Variants in ATRNL1 observed in about 807,000 individuals in gnomAD.
The protein encoded by ATRNL1 is attractin-like protein 1.
A neutral mutation model predicts 182.7 loss-of-function variants in ATRNL1; 95 were observed. The ratio of observed to expected loss-of-function variants is 0.52; its 90% CI spans 0.44 to 0.62. The LOEUF is 0.62. ATRNL1 is among the 20% of genes least tolerant of loss of function. The pLI is 0.00. For synonymous variants in ATRNL1, 576 were observed against 568.3 expected (o/e 1.01, Z -0.19); for missense variants, 1,471 against 1,679.5 (o/e 0.88, Z 2.17).
chr10:115,668,122 C>G (rs1237989116), intron 26 of ATRNL1, among the ~76,000 whole-genome samples: 1 of 152,058 alleles, frequency 6.6e-6, no homozygotes, highest in African/African-American at 2.4e-5. Context: ...TGTCTAGGGA[C>G]CTTTCTCCAT....
chr10:115,514,926 A>T (rs1850563213), intron 24 of ATRNL1, among the ~76,000 whole-genome samples: 1 of 151,466 alleles, frequency 6.6e-6, no homozygotes. Flanking sequence ...TATTTATTTT[A>T]TTCTGCTTAA....
intron 28 of ATRNL1, among the ~76,000 whole-genome samples, chr10:115,878,549 AC>A (rs1373566728): frequency 1.3e-5 from 2 of 152,314 alleles, no homozygotes; most frequent in South Asian, 2.1e-4. Context: ...AATCTGGGGT[AC>A]AAGTATATTT....
At chr10:115,561,820 G>C (rs1464808461) in intron 26 of ATRNL1, among the ~76,000 whole-genome samples, 1 of 151,882 alleles carries the variant, frequency 6.6e-6, no homozygotes, top group Non-Finnish European at 1.5e-5. Context: ...ACCACTAAAT[G>C]CTTGTGATCG....
chr10:115,750,236 G>T lies in ATRNL1; in HGVS notation c.3903+22881G>T, dbSNP rs149512127. On this transcript the variant is annotated intron_variant, in intron 27 of 28. Transcript: ENST00000355044. ...TGGGCAGGTTGTTAATAGAATGTTT[G>T]CCAACTTTAAGTAGTTTTATAATAA... 1.7e-3 allele frequency among the ~76,000 whole-genome samples: 258 copies of T among 151,854 alleles called. 2 individuals carry two copies. The highest frequency in any genetic ancestry group is 5.9e-3 in the African/African-American group (243 of 41,488).
intron 24 of ATRNL1, among the ~76,000 whole-genome samples, chr10:115,517,216 T>TTTAC (rs1390459660): frequency 6.6e-6 from 1 of 151,986 alleles, no homozygotes; most frequent in South Asian, 2.1e-4. Flanking sequence ...AGATTGTGTT[T>TTTAC]TTACTTACTT....
intron 28 of ATRNL1, among the ~76,000 whole-genome samples, chr10:115,877,224 C>G (rs1373501666): frequency 3.3e-5 from 5 of 151,528 alleles, no homozygotes; most frequent in Non-Finnish European, 7.3e-5. Context: ...GAAAGGCAGT[C>G]ATTTTATTTG....
At chr10:115,340,195 G>C (rs1178693445) in intron 19 of ATRNL1, among the ~76,000 whole-genome samples, 1 of 152,194 alleles carries the variant, frequency 6.6e-6, no homozygotes, top group Non-Finnish European at 1.5e-5. Context: ...CCAGGCTGGA[G>C]TGCAGTGGCA....
chr10:115,851,812 A>G (rs1951063567), intron 28 of ATRNL1, among the ~76,000 whole-genome samples: 1 of 152,080 alleles, frequency 6.6e-6, no homozygotes, highest in African/African-American at 2.4e-5. Context: ...GTTTATGCAT[A>G]TGTTCACTGT....
chr10:115,128,829 A>G (rs1311947130), intron 4 of ATRNL1, among the ~76,000 whole-genome samples: 1 of 137,238 alleles, frequency 7.3e-6, no homozygotes, highest in African/African-American at 3.3e-5. Flanking sequence ...TGTGTCTCAA[A>G]AAAAAAAAAA....
chr10:115,506,541 A>G (rs1850121959), intron 24 of ATRNL1, among the ~76,000 whole-genome samples: 1 of 151,878 alleles, frequency 6.6e-6, no homozygotes, highest in Non-Finnish European at 1.5e-5. Flanking sequence ...AAAAACAAAA[A>G]CCTGAACTCA....
At chr10:115,545,356 G>T (rs1022581302) in intron 25 of ATRNL1, among the ~76,000 whole-genome samples, 1 of 151,360 alleles carries the variant, frequency 6.6e-6, no homozygotes, top group Admixed American at 6.6e-5. Flanking sequence ...GAGATTATGA[G>T]AATATTATTT....
chr10:115,166,653 T>C (rs1847058604), intron 7 of ATRNL1, among the ~76,000 whole-genome samples: 1 of 152,108 alleles, frequency 6.6e-6, no homozygotes, highest in Non-Finnish European at 1.5e-5. Flanking sequence ...TAATGATTAA[T>C]GATGTTAAAT....
chr10:115,910,713 A>C (rs1952648652), intron 28 of ATRNL1, among the ~76,000 whole-genome samples: 1 of 152,236 alleles, frequency 6.6e-6, no homozygotes, highest in East Asian at 1.9e-4. Flanking sequence ...ATAGAAATCA[A>C]GTTAAATGAC....
chr10:115,134,044 T>A (rs1441437775), intron 5 of ATRNL1, among the ~76,000 whole-genome samples: 2 of 152,112 alleles, frequency 1.3e-5, no homozygotes, highest in Non-Finnish European at 2.9e-5. Flanking sequence ...AAGCATTGTG[T>A]AGAGGGAAAT....
intron 9 of ATRNL1, among the ~76,000 whole-genome samples, chr10:115,223,874 G>A (rs1849570267): frequency 7.6e-6 from 1 of 132,074 alleles, no homozygotes; most frequent in African/African-American, 2.9e-5. Context: ...TATAACATAT[G>A]TGTATTTAAT....
chr10:115,603,425 T>C (rs1463153719), intron 26 of ATRNL1, among the ~76,000 whole-genome samples: 12 of 152,324 alleles, frequency 7.9e-5, no homozygotes, highest in Admixed American at 4.6e-4. Context: ...TTTTAGGAGC[T>C]AGAGCCAGAG....
At chr10:115,224,553 G>A (rs1451607206) in intron 9 of ATRNL1, among the ~76,000 whole-genome samples, 1 of 151,986 alleles carries the variant, frequency 6.6e-6, no homozygotes. Context: ...ACCAAAACTC[G>A]ACAAAGTTGG....
At chr10:115,794,862 A>C (rs1233747461) in intron 27 of ATRNL1, among the ~76,000 whole-genome samples, 1 of 152,196 alleles carries the variant, frequency 6.6e-6, no homozygotes, top group Admixed American at 6.5e-5. Flanking sequence ...TTCCTTATCA[A>C]ACTTTCAATT....
At chr10:115,839,638 C>T (rs548515046) in intron 27 of ATRNL1, among the ~76,000 whole-genome samples, 1 of 152,252 alleles carries the variant, frequency 6.6e-6, no homozygotes, top group Non-Finnish European at 1.5e-5. Context: ...TTCTCCAGAA[C>T]TTCACATACC....
Sources: allele counts gnomAD v4.1 joint callset (sites outside exome capture counted in the v4.1 genomes callset), GRCh38; gene constraint gnomAD v4.1.1; transcripts MANE v1.5; gene names NCBI Gene and HGNC (gene_info 2026-07-23, HGNC 2026-07-21).